The following GALNT11 variants were observed in gnomAD, a reference collection of about 807,000 sequenced individuals.
The protein encoded by GALNT11 is polypeptide N-acetylgalactosaminyltransferase 11.
Under a neutral mutation model 72.7 loss-of-function variants are expected in GALNT11, and 47 were observed. That is an observed-to-expected ratio of 0.65 (90% CI 0.51 to 0.82). The LOEUF (loss-of-function observed/expected upper bound fraction) is 0.82. Among genes scored for constraint, GALNT11 ranks in the 40% least tolerant of loss-of-function variants. The pLI, the probability that GALNT11 is intolerant of heterozygous loss-of-function variation, is 0.00. For missense variants in GALNT11, 677 were observed against 778.4 expected, an observed-to-expected ratio of 0.87 and a Z score of 1.55; for synonymous variants, 270 against 286.6, an observed-to-expected ratio of 0.94 and a Z score of 0.58.
At chr7:152,118,971 A>G in intron 10 of GALNT11, 189 bp downstream of exon 10, 1 of 405,470 alleles carries the variant, frequency 2.5e-6, no homozygotes, top group South Asian at 7.2e-5. Context: ...GCTCAAGGTC[A>G]CCGCCAGGGT....
In GALNT11 at chr7:152,105,084, A is replaced by G. The variant is rs138627288; in HGVS notation, c.587-161A>G. Reference sequence around the variant, plus strand: ...ACCCTTCATTTCTTTTTCTTCCTACAGGATAAGCTACAATACTCTTTTAAA... The same window carrying G: ...ACCCTTCATTTCTTTTTCTTCCTACGGGATAAGCTACAATACTCTTTTAAA... On this transcript the variant is annotated intron_variant, in intron 4 of 11. Transcript: ENST00000430044. Among the ~76,000 whole-genome samples, 122 of 152,340 alleles carry G rather than the reference A, an allele frequency of 8.0e-4. 1 individual carries two copies. Among genetic ancestry groups the G allele is most frequent in the African/African-American group, 2.8e-3 (116 of 41,586 alleles).
At chr7:152,033,876 T>G (rs907786439) in intron 1 of GALNT11, among the ~76,000 whole-genome samples, 1 of 152,178 alleles carries the variant, frequency 6.6e-6, no homozygotes, top group Non-Finnish European at 1.5e-5. Flanking sequence ...CTCCAAACTC[T>G]CAGGCTGCAG....
intron 2 of GALNT11, among the ~76,000 whole-genome samples, chr7:152,097,216 G>A (rs2086446940): frequency 6.6e-6 from 1 of 152,158 alleles, no homozygotes; most frequent in Non-Finnish European, 1.5e-5. Context: ...CTCCAAAGAA[G>A]ATATGCAAAT....
At chr7:152,026,522 C>T (rs998012346) in intron 1 of GALNT11, among the ~76,000 whole-genome samples, 1 of 152,220 alleles carries the variant, frequency 6.6e-6, no homozygotes, top group African/African-American at 2.4e-5. Context: ...AGCTTGTCTT[C>T]GCAGGTGAGG....
chr7:152,051,199 G>GT (rs35668155), intron 1 of GALNT11, among the ~76,000 whole-genome samples: 870 of 46,824 alleles, frequency 0.019, 108 homozygotes, highest in East Asian at 0.046. Context: ...ATATCTGGTT[G>GT]TTTTTTTTTT....
In GALNT11 at chr7:152,103,205, GCA is replaced by G; in HGVS notation, c.516_517del (p.His172GlnfsTer13). The G allele has an allele frequency of 6.2e-7, 1 of 1,613,790 alleles. No homozygotes were observed. Among genetic ancestry groups the G allele is most frequent in the South Asian group, 1.1e-5 (1 of 91,064 alleles). ...CGTTTTCTGCCTTGCTTCGGACAGT[GCA>G]CAGTGTCATAGACCGCACGCCAGCA... Reference protein sequence around the residue: ...EAFSALLRTVHSVIDRTPAHL... With the variant: ...EAFSALLRTVXSVIDRTPAHL... On this transcript the variant is annotated frameshift_variant, in exon 4 of 12. Transcript: ENST00000430044. LOFTEE classifies it high-confidence loss of function.
At chr7:152,121,076 C>G in intron 11 of GALNT11, 108 bp downstream of exon 11, 1 of 1,361,818 alleles carries the variant, frequency 7.3e-7, no homozygotes, top group Non-Finnish European at 9.9e-7. Flanking sequence ...TCTTCTCAGT[C>G]TGCAGTACAG....
intron 1 of GALNT11, among the ~76,000 whole-genome samples, chr7:152,045,025 G>A (rs1382684976): frequency 1.3e-5 from 2 of 152,108 alleles, no homozygotes; most frequent in Non-Finnish European, 2.9e-5. Context: ...TTCTTTTTCA[G>A]CATCAATTGA....
intron 1 of GALNT11, among the ~76,000 whole-genome samples, chr7:152,078,106 G>A (rs6978443): frequency 0.029 from 4,347 of 151,940 alleles, 196 homozygotes; most frequent in African/African-American, 0.099. Flanking sequence ...GGGGAAGGCT[G>A]GACAACACTG....
intron 1 of GALNT11, among the ~76,000 whole-genome samples, chr7:152,045,603 T>C (rs2083081370): frequency 6.6e-6 from 1 of 152,202 alleles, no homozygotes; most frequent in Middle Eastern, 3.2e-3. Flanking sequence ...TCATGATCTT[T>C]TGAGTTTCTG....
At chr7:152,053,421 G>A (rs2083492521) in intron 1 of GALNT11, among the ~76,000 whole-genome samples, 1 of 152,022 alleles carries the variant, frequency 6.6e-6, no homozygotes, top group African/African-American at 2.4e-5. Context: ...TTCAGTATTT[G>A]GCCATTGGAA....
chr7:152,119,538 C>G (rs775178870), intron 10 of GALNT11: 1 of 152,076 alleles, frequency 6.6e-6, no homozygotes, highest in African/African-American at 2.4e-5. Flanking sequence ...AGAGGTCACG[C>G]CCACTGTCTC....
intron 1 of GALNT11, among the ~76,000 whole-genome samples, chr7:152,052,385 G>C (rs1012545363): frequency 1.3e-5 from 2 of 151,940 alleles, no homozygotes; most frequent in Admixed American, 6.6e-5. Flanking sequence ...TATTGTATAT[G>C]TATACACTAT....
intron 1 of GALNT11, among the ~76,000 whole-genome samples, chr7:152,036,431 T>G (rs1196279169): frequency 6.6e-6 from 1 of 152,214 alleles, no homozygotes; most frequent in Non-Finnish European, 1.5e-5. Context: ...TCATTCTTTT[T>G]TTATGGCTGA....
At chr7:152,078,325 CTGAG>C (rs1486063078) in intron 1 of GALNT11, among the ~76,000 whole-genome samples, 1 of 152,162 alleles carries the variant, frequency 6.6e-6, no homozygotes, top group Non-Finnish European at 1.5e-5. Context: ...CCTCAGCCTC[CTGAG>C]TATCTGGGAT....
At chr7:152,035,254 G>A (rs775285227) in intron 1 of GALNT11, among the ~76,000 whole-genome samples, 4 of 152,236 alleles carry the variant, frequency 2.6e-5, no homozygotes, top group East Asian at 1.9e-4. Context: ...TGGTGAGCCC[G>A]GGTGCCTAAA....
rs749984530 is a variant in GALNT11, at chr7:152,105,371, G to T, written c.712+1G>T. 11 of 1,611,988 alleles carry T rather than the reference G, an allele frequency of 6.8e-6. No individual in the cohort carries two copies. Among genetic ancestry groups the T allele is most frequent in the East Asian group, 2.2e-5 (1 of 44,826 alleles). On this transcript the variant is annotated splice_donor_variant, in intron 5 of 11. Coordinates refer to ENST00000430044, the MANE Select transcript of GALNT11 (RefSeq NM_022087.4). LOFTEE classifies it high-confidence loss of function. ...ATGATTGGCGCGGCCCACGCGACAG[G>T]TATCACTTCTCGTTAGCTTTGCTCT...
rs547067408 is a variant in GALNT11, at chr7:152,050,658, G to T, written c.-39+24774G>T. 1.7e-4 allele frequency among the ~76,000 whole-genome samples: 26 copies of T among 152,264 alleles called. No individual in the cohort carries two copies. The South Asian group carries it at 2.9e-3, about 17-fold the overall frequency. ...TCTTACTGGGCTGCGTGCCCTCCAA[G>T]TCCATTGGCTCCAAGCCCAGCCCAG... On this transcript the variant is annotated intron_variant, in intron 1 of 11. Coordinates refer to ENST00000430044, the MANE Select transcript of GALNT11 (RefSeq NM_022087.4).
At chr7:152,075,601 G>T (rs1213026400) in intron 1 of GALNT11, among the ~76,000 whole-genome samples, 1 of 152,058 alleles carries the variant, frequency 6.6e-6, no homozygotes, top group African/African-American at 2.4e-5. Flanking sequence ...GAGGTCGGGA[G>T]TTTGAGACCA....
Sources: allele counts gnomAD v4.1 joint callset (sites outside exome capture counted in the v4.1 genomes callset), GRCh38; gene constraint gnomAD v4.1.1; transcripts MANE v1.5; gene names NCBI Gene and HGNC (gene_info 2026-07-23, HGNC 2026-07-21).